Variants in GPC5 observed in about 807,000 individuals in gnomAD.
GPC5 encodes glypican-5.
GPC5 carries 47 observed loss-of-function variants against 53.9 expected under a neutral mutation model. The ratio of observed to expected loss-of-function variants is 0.87; its 90% CI spans 0.69 to 1.11. GPC5 has a LOEUF of 1.11. Ranked by LOEUF, GPC5 falls within the 50% of genes most tolerant of loss-of-function variation. GPC5 has a pLI of 0.00. For missense variants in GPC5, 748 were observed against 713.1 expected (o/e 1.05, Z -0.56); for synonymous variants, 286 against 263.3 (o/e 1.09, Z -0.84).
chr13:91,782,438 TTC>T (rs1415200817), intron 5 of GPC5, among the ~76,000 whole-genome samples: 1 of 152,124 alleles, frequency 6.6e-6, no homozygotes, highest in Non-Finnish European at 1.5e-5. Context: ...AGCAAGGACC[TTC>T]TTCACATGGC....
chr13:92,259,001 T>A (rs1322799631), intron 7 of GPC5, among the ~76,000 whole-genome samples: 2 of 152,204 alleles, frequency 1.3e-5, no homozygotes, highest in East Asian at 3.9e-4. Flanking sequence ...TGAGATAGAA[T>A]GAATTTTGCA....
chr13:91,767,478 T>C (rs9560852), intron 5 of GPC5, among the ~76,000 whole-genome samples: 7,415 of 152,330 alleles, frequency 0.049, 371 homozygotes, highest in East Asian at 0.22. Context: ...TATCAGTTGA[T>C]TGGAAATAAA....
At chr13:91,960,229 A>G (rs2040114395) in intron 6 of GPC5, among the ~76,000 whole-genome samples, 1 of 152,046 alleles carries the variant, frequency 6.6e-6, no homozygotes, top group Admixed American at 6.6e-5. Flanking sequence ...AATTCAGTAA[A>G]GTTTCAGGAT....
chr13:91,478,822 T>TAC (rs1194096313), intron 2 of GPC5, among the ~76,000 whole-genome samples: 16 of 92,130 alleles, frequency 1.7e-4, no homozygotes, highest in African/African-American at 8.3e-4. Flanking sequence ...TATATATATA[T>TAC]ACACACACAC....
chr13:92,601,295 C>T (rs779724074), intron 7 of GPC5, among the ~76,000 whole-genome samples: 67 of 152,192 alleles, frequency 4.4e-4, no homozygotes, highest in Non-Finnish European at 8.1e-4. Context: ...GTGGCTCCCA[C>T]CTGTAATCCT....
chr13:91,911,897 G>T (rs1314033505), intron 6 of GPC5, among the ~76,000 whole-genome samples: 1 of 152,122 alleles, frequency 6.6e-6, no homozygotes, highest in Non-Finnish European at 1.5e-5. Context: ...TCTGGCGGAG[G>T]GTTCCTGGGA....
intron 7 of GPC5, among the ~76,000 whole-genome samples, chr13:92,581,135 T>G (rs2139053493): frequency 6.6e-6 from 1 of 152,298 alleles, no homozygotes; most frequent in South Asian, 2.1e-4. Context: ...TTTGCATTAA[T>G]TGTTGTTAAC....
intron 5 of GPC5, among the ~76,000 whole-genome samples, chr13:91,889,164 C>G (rs1159147883): frequency 6.6e-6 from 1 of 152,124 alleles, no homozygotes; most frequent in Non-Finnish European, 1.5e-5. Flanking sequence ...ATGTAAGATA[C>G]TTTGTACCTG....
chr13:91,872,136 G>A (rs1415733422), intron 5 of GPC5, among the ~76,000 whole-genome samples: 5 of 152,090 alleles, frequency 3.3e-5, no homozygotes, highest in Non-Finnish European at 7.3e-5. Context: ...AGAAGACAGT[G>A]ACAGTGCCTC....
chr13:91,399,710 G>C (rs768126028), intron 1 of GPC5, among the ~76,000 whole-genome samples: 1 of 152,184 alleles, frequency 6.6e-6, no homozygotes, highest in Non-Finnish European at 1.5e-5. Context: ...GGTCTCCTCT[G>C]TAATTAGGAC....
intron 7 of GPC5, among the ~76,000 whole-genome samples, chr13:92,170,514 C>T (rs1276839752): frequency 6.7e-6 from 1 of 149,634 alleles, no homozygotes; most frequent in African/African-American, 2.5e-5. Context: ...GAACCTCCAC[C>T]TCCCAGGTTC....
chr13:92,348,357 G>T (rs2043445647), intron 7 of GPC5, among the ~76,000 whole-genome samples: 1 of 151,852 alleles, frequency 6.6e-6, no homozygotes, highest in East Asian at 1.9e-4. Flanking sequence ...TGATAATAAA[G>T]GGGTCAATTT....
rs567998472 is a variant in GPC5, at chr13:91,555,747, A to T, written c.325+106825A>T. On this transcript the variant is annotated intron_variant, in intron 2 of 7. Transcript: ENST00000377067. ...AGGCCTCACAATCATGACAAAAGGC[A>T]AAGGAGGAGCAAAGTCACATCTTAC... Among the ~76,000 whole-genome samples the T allele has an allele frequency of 3.3e-5, 5 of 152,182 alleles. No individual in the cohort carries two copies. In the South Asian group the frequency reaches 1.0e-3, roughly 32 times the overall value.
intron 5 of GPC5, among the ~76,000 whole-genome samples, chr13:91,851,401 G>A (rs2038911418): frequency 6.6e-6 from 1 of 152,120 alleles, no homozygotes; most frequent in African/African-American, 2.4e-5. Flanking sequence ...GAGTCAGTAA[G>A]TAGTGAGTGA....
chr13:92,105,089 T>C (rs1361579292), intron 6 of GPC5, among the ~76,000 whole-genome samples: 1 of 152,094 alleles, frequency 6.6e-6, no homozygotes, highest in Non-Finnish European at 1.5e-5. Flanking sequence ...TCCTAACTTT[T>C]TAATTGATTT....
chr13:92,837,821 A>T (rs1053642474), intron 7 of GPC5, among the ~76,000 whole-genome samples: 2 of 151,974 alleles, frequency 1.3e-5, no homozygotes, highest in African/African-American at 4.8e-5. Flanking sequence ...GGTCGGGCAC[A>T]GTGGCTCATG....
At chr13:92,179,384 T>G (rs941832992) in intron 7 of GPC5, among the ~76,000 whole-genome samples, 1 of 152,232 alleles carries the variant, frequency 6.6e-6, no homozygotes, top group Non-Finnish European at 1.5e-5. Flanking sequence ...GAAGGGTTTC[T>G]GATGACTTTG....
chr13:91,846,275 T>C (rs2138881476), intron 5 of GPC5, among the ~76,000 whole-genome samples: 1 of 152,076 alleles, frequency 6.6e-6, no homozygotes, highest in East Asian at 1.9e-4. Context: ...AATTAACATA[T>C]AATCCTAAAC....
chr13:91,567,761 C>T (rs533940737), intron 2 of GPC5, among the ~76,000 whole-genome samples: 1 of 152,324 alleles, frequency 6.6e-6, no homozygotes, highest in East Asian at 1.9e-4. Context: ...AATCTCCCAA[C>T]TCCACTTTAG....
Sources: gnomAD v4.1 joint callset for allele counts (sites outside exome capture counted in the v4.1 genomes callset) on GRCh38, gnomAD v4.1.1 for gene constraint, MANE v1.5 for transcripts, NCBI Gene and HGNC (gene_info 2026-07-23, HGNC 2026-07-21) for gene names.